Variants in ORC4 observed in about 807,000 individuals in gnomAD.
The protein encoded by ORC4 is origin recognition complex, subunit 4 homolog.
Under a neutral mutation model 63.9 loss-of-function variants are expected in ORC4, and 55 were observed. The ratio of observed to expected loss-of-function variants is 0.86; its 90% CI spans 0.69 to 1.08. ORC4 has a LOEUF of 1.08. Ranked by LOEUF, ORC4 falls within the 50% of genes least tolerant of loss-of-function variation. ORC4 has a pLI of 0.00. For synonymous variants in ORC4, 150 were observed against 168.5 expected (o/e 0.89, Z 0.85); for missense variants, 511 against 504.4 (o/e 1.01, Z -0.13).
At position 147,935,563 on chromosome 2, in the gene ORC4, T is replaced by C; in HGVS notation, c.1258A>G (p.Asn420Asp). 4 of 1,613,918 alleles carry C rather than the reference T, an allele frequency of 2.5e-6. No homozygotes were observed. Among genetic ancestry groups the C allele is most frequent in the Non-Finnish European group, 3.4e-6 (4 of 1,179,844 alleles). ...QIMNALQKYP[N>D]CPTDVRQWAT... ...CACTGCCTCACATCTGTAGGACAGT[T>C]GGGATATTTCTGCAGAGCATTCATA... is the stretch of plus-strand genomic sequence containing the variant. The change falls in exon 14 of 14, where the codon AAC (asparagine) becomes GAC (aspartate). Residue 420 changes from asparagine to aspartate, a missense_variant. Asn to Asp is a conservative substitution (Grantham distance 23, BLOSUM62 1). Transcript: ENST00000392857.
At chr2:148,016,562 T>C (rs1399493938) in intron 1 of ORC4, among the ~76,000 whole-genome samples, 1 of 152,198 alleles carries the variant, frequency 6.6e-6, no homozygotes, top group Non-Finnish European at 1.5e-5. Context: ...CATATTCACC[T>C]GACCTCTCAA....
chr2:147,942,766 T>G (rs1370350180), intron 10 of ORC4, among the ~76,000 whole-genome samples: 1 of 149,522 alleles, frequency 6.7e-6, no homozygotes, highest in African/African-American at 2.5e-5. Flanking sequence ...AGAAAAGAAA[T>G]AAAAGGCATA....
upstream of ORC4, chr2:148,021,331 C>G (rs567568912): frequency 2.6e-6 from 1 of 387,120 alleles, no homozygotes; most frequent in Admixed American, 3.2e-5. Context: ...TTCGAAAACC[C>G]CCATCCACGA....
chr2:148,020,565 C>CG (rs1475845353), intron 1 of ORC4, 68 bp downstream of exon 1: 7 of 152,704 alleles, frequency 4.6e-5, no homozygotes, highest in African/African-American at 1.7e-4. Context: ...GCGCCACCGA[C>CG]GCCCCTGGCC....
intron 1 of ORC4, among the ~76,000 whole-genome samples, chr2:148,003,170 T>G (rs889223368): frequency 2.0e-5 from 3 of 152,160 alleles, no homozygotes; most frequent in Non-Finnish European, 4.4e-5. Flanking sequence ...CACAGACAAA[T>G]TCTACCAGAG....
chr2:148,000,649 C>T (rs1692244033), intron 1 of ORC4, among the ~76,000 whole-genome samples: 1 of 152,096 alleles, frequency 6.6e-6, no homozygotes, highest in Admixed American at 6.6e-5. Flanking sequence ...CCAGCAGCAA[C>T]TATATCAAGC....
chr2:147,973,068 T>G (rs770101716), intron 3 of ORC4, among the ~76,000 whole-genome samples: 16 of 152,156 alleles, frequency 1.1e-4, no homozygotes, highest in Admixed American at 1.0e-3. Context: ...TATTGATTTA[T>G]ACGATAGTAG....
At chr2:147,968,874 C>T (rs747654053) in intron 4 of ORC4, among the ~76,000 whole-genome samples, 1 of 151,908 alleles carries the variant, frequency 6.6e-6, no homozygotes, top group Non-Finnish European at 1.5e-5. Context: ...TGATATGGAT[C>T]AACCTAGTTG....
chr2:147,938,145 C>T lies in ORC4; in HGVS notation c.1122+1G>A, dbSNP rs1464829015. 1 of 1,600,986 alleles carries T rather than the reference C, an allele frequency of 6.2e-7. No homozygotes were observed. The highest frequency in any genetic ancestry group is 1.1e-5 in the South Asian group (1 of 90,776). ...AAAAATGACAGCAAACTAAATCTTA[C>T]CTTCATGACAACAGGTTTTTCAAAA... is the stretch of plus-strand genomic sequence containing the variant. On this transcript the variant is annotated splice_donor_variant, in intron 13 of 13. Coordinates refer to ENST00000392857, the MANE Select transcript of ORC4 (RefSeq NM_181741.4). LOFTEE classifies it high-confidence loss of function.
At chr2:147,963,086 A>C (rs1432952513) in intron 4 of ORC4, among the ~76,000 whole-genome samples, 1 of 152,068 alleles carries the variant, frequency 6.6e-6, no homozygotes, top group African/African-American at 2.4e-5. Flanking sequence ...CCCAAACCTG[A>C]CAAACAGCAC....
chr2:148,006,104 G>A (rs1692612684), intron 1 of ORC4, among the ~76,000 whole-genome samples: 1 of 152,142 alleles, frequency 6.6e-6, no homozygotes, highest in Admixed American at 6.5e-5. Context: ...AGACAGTCTT[G>A]CGCTGACTAC....
chr2:147,938,044 ATACT>A (rs1688150338), intron 13 of ORC4, 98 bp downstream of exon 13: 10 of 797,504 alleles, frequency 1.3e-5, no homozygotes, highest in Admixed American at 4.6e-5. Context: ...AATCTCTATA[ATACT>A]TAATGTTTAA....
At chr2:147,959,498 T>G (rs890773254) in intron 4 of ORC4, among the ~76,000 whole-genome samples, 2 of 152,088 alleles carry the variant, frequency 1.3e-5, no homozygotes, top group South Asian at 4.1e-4. Context: ...AGCAGTTGTA[T>G]ACACAAAATA....
intron 9 of ORC4, among the ~76,000 whole-genome samples, chr2:147,946,986 T>G (rs1688692468): frequency 6.6e-6 from 1 of 152,028 alleles, no homozygotes; most frequent in Non-Finnish European, 1.5e-5. Context: ...ATGAAATGTG[T>G]CAAAATACTG....
At position 147,978,110 on chromosome 2, in the gene ORC4, C is replaced by T. The variant is rs73005150; in HGVS notation, c.-17-2135G>A. On this transcript the variant is annotated intron_variant, in intron 1 of 13. Coordinates refer to ENST00000392857, the MANE Select transcript of ORC4 (RefSeq NM_181741.4). ...GGCTATGGACAGCCCCATCTCCCTCCAGGATGCTGGGTAGGCAGAACTGCT... is the reference window on the plus strand; with the variant it reads ...GGCTATGGACAGCCCCATCTCCCTCTAGGATGCTGGGTAGGCAGAACTGCT... Among the ~76,000 whole-genome samples the T allele has an allele frequency of 2.6e-3, 391 of 152,208 alleles. 1 individual carries two copies. The highest frequency in any genetic ancestry group is 8.8e-3 in the African/African-American group (366 of 41,536).
At chr2:148,020,326 G>T (rs1341656391) in intron 1 of ORC4, among the ~76,000 whole-genome samples, 1 of 152,200 alleles carries the variant, frequency 6.6e-6, no homozygotes, top group Non-Finnish European at 1.5e-5. Context: ...AGGCTTCACA[G>T]TTCCCTTCTC....
chr2:147,933,621 A>G lies in ORC4; in HGVS notation c.*1889T>C, dbSNP rs190664746. 11 of 152,288 alleles carry G rather than the reference A, an allele frequency of 7.2e-5. No homozygotes were observed. In the East Asian group the frequency reaches 1.9e-3, roughly 27 times the overall value. The allele number at this position is 152,288 out of a possible 1,614,324, so 9.4% of individuals were successfully genotyped here. ...TTTTAAGTGACATCTTAAGCTAATA[A>G]GAAATTGGAATCCTCAAGTCATTTC... is the stretch of plus-strand genomic sequence containing the variant. On this transcript the variant is annotated 3_prime_UTR_variant, in exon 14 of 14. Transcript: ENST00000392857.
chr2:147,943,223 C>T lies in ORC4; in HGVS notation c.849+213G>A, dbSNP rs996619866. Reference sequence around the variant, plus strand: ...TTTACCTACAGGTTTAATCAATTCCCATAAAAACTTAATTATCTAATGAAA... The same window carrying T: ...TTTACCTACAGGTTTAATCAATTCCTATAAAAACTTAATTATCTAATGAAA... On this transcript the variant is annotated intron_variant, in intron 10 of 13. Coordinates refer to ENST00000392857, the MANE Select transcript of ORC4 (RefSeq NM_181741.4). Among the ~76,000 whole-genome samples the T allele has an allele frequency of 4.6e-5, 7 of 151,946 alleles. No homozygotes were observed. The South Asian group carries it at 1.0e-3, about 23-fold the overall frequency.
chr2:147,987,438 T>C (rs1020055368), intron 1 of ORC4, among the ~76,000 whole-genome samples: 3 of 150,482 alleles, frequency 2.0e-5, no homozygotes, highest in African/African-American at 7.3e-5. Flanking sequence ...TAAATTATTT[T>C]TTCTACAGCT....
Sources: gnomAD v4.1 joint callset for allele counts (sites outside exome capture counted in the v4.1 genomes callset) on GRCh38, gnomAD v4.1.1 for gene constraint, MANE v1.5 for transcripts, NCBI Gene and HGNC (gene_info 2026-07-23, HGNC 2026-07-21) for gene names.